GNAL: variants seen among roughly 807,000 people sequenced by gnomAD.
GNAL encodes G protein subunit alpha L.
A neutral mutation model predicts 55.1 loss-of-function variants in GNAL; 18 were observed. That is an observed-to-expected ratio of 0.33 (90% CI 0.23 to 0.48). The LOEUF (loss-of-function observed/expected upper bound fraction) is 0.48. GNAL is among the 20% of genes least tolerant of loss of function. The probability of loss-of-function intolerance (pLI) is 0.99; values close to 1 mark genes in which losing one functional copy is unlikely to be tolerated. For missense variants in GNAL, 412 were observed against 614.1 expected, an observed-to-expected ratio of 0.67 and a Z score of 3.48; for synonymous variants, 253 against 237.0, an observed-to-expected ratio of 1.07 and a Z score of -0.62.
intron 4 of GNAL, 71 bp downstream of exon 4, chr18:11,754,016 G>C (rs1231947442): frequency 3.0e-5 from 34 of 1,114,954 alleles, no homozygotes; most frequent in Non-Finnish European, 4.6e-5. Context: ...TTCTTATTGA[G>C]AATCAATATT....
At chr18:11,715,627 T>C (rs944639572) in intron 1 of GNAL, among the ~76,000 whole-genome samples, 6 of 151,906 alleles carry the variant, frequency 3.9e-5, no homozygotes, top group South Asian at 2.1e-4. Context: ...GAGAAGAGCA[T>C]TGGGATATGG....
rs148581907 is a variant in GNAL at position 11,731,808 on chromosome 18, T to C, written c.377-21045T>C. 3.5e-3 allele frequency among the ~76,000 whole-genome samples: 532 copies of C among 152,280 alleles called. 6 individuals carry two copies. Among genetic ancestry groups the C allele is most frequent in the African/African-American group, 0.012 (509 of 41,546 alleles). On this transcript the variant is annotated intron_variant, in intron 1 of 11. Transcript: ENST00000334049. The stretch of plus-strand genomic sequence containing the variant: ...TCTAATTCCCGAATGTTTTCATCAT[T>C]CTGCAAAGAAGCCCTGGACCCACTA...
intron 4 of GNAL, among the ~76,000 whole-genome samples, chr18:11,820,398 G>A (rs1020545849): frequency 5.3e-5 from 8 of 152,116 alleles, no homozygotes; most frequent in Admixed American, 1.3e-4. Flanking sequence ...TAATGACTTC[G>A]CAGAATCCTT....
At chr18:11,801,289 G>A (rs533507109) in intron 4 of GNAL, among the ~76,000 whole-genome samples, 42 of 152,270 alleles carry the variant, frequency 2.8e-4, no homozygotes, top group Admixed American at 1.4e-3. Flanking sequence ...AGTGGCTCAC[G>A]CCTGAAATAA....
chr18:11,835,205 A>G (rs990069980), intron 5 of GNAL, among the ~76,000 whole-genome samples: 1 of 152,250 alleles, frequency 6.6e-6, no homozygotes, highest in Non-Finnish European at 1.5e-5. Context: ...TGATTCTTAG[A>G]TAACATTCTG....
intron 1 of GNAL, among the ~76,000 whole-genome samples, chr18:11,719,980 C>G (rs998527760): frequency 2.0e-5 from 3 of 152,244 alleles, no homozygotes; most frequent in African/African-American, 7.2e-5. Context: ...TTATGTTCCA[C>G]AGCAGGGCTC....
Position 11,725,042 on chromosome 18 carries a change from T to C in GNAL, c.377-27811T>C, listed in dbSNP as rs534216021. On this transcript the variant is annotated intron_variant, in intron 1 of 11. Coordinates refer to ENST00000334049, the MANE Select transcript of GNAL (RefSeq NM_182978.4). ...CAGCTTGCACAGCAGCCTGGACCTGTTGCAGAGCCTTCCCTTGTTCTGGGC... is the reference window on the plus strand; with the variant it reads ...CAGCTTGCACAGCAGCCTGGACCTGCTGCAGAGCCTTCCCTTGTTCTGGGC... Among the ~76,000 whole-genome samples the C allele has an allele frequency of 1.1e-4, 17 of 152,310 alleles. No individual in the cohort carries two copies. The East Asian group carries it at 3.3e-3, about 29-fold the overall frequency.
chr18:11,717,186 G>A (rs1035358630), intron 1 of GNAL, among the ~76,000 whole-genome samples: 15 of 152,348 alleles, frequency 9.8e-5, no homozygotes, highest in African/African-American at 3.6e-4. Flanking sequence ...GGGGCCAGTG[G>A]AGCCAGCCGG....
At chr18:11,871,566 G>A (rs2036399803) in intron 9 of GNAL, among the ~76,000 whole-genome samples, 1 of 152,132 alleles carries the variant, frequency 6.6e-6, no homozygotes, top group Non-Finnish European at 1.5e-5. Context: ...GTTATTAATT[G>A]ATAGTAAGAT....
intron 1 of GNAL, among the ~76,000 whole-genome samples, chr18:11,730,834 G>A (rs760953782): frequency 6.6e-6 from 1 of 152,106 alleles, no homozygotes. Context: ...TAAGGGGGTC[G>A]GCTATCTGTC....
intron 5 of GNAL, among the ~76,000 whole-genome samples, chr18:11,834,478 G>A (rs2035457436): frequency 6.6e-6 from 1 of 152,152 alleles, no homozygotes; most frequent in South Asian, 2.1e-4. Flanking sequence ...CCAGCACTTT[G>A]GGAGGCCAAG....
intron 5 of GNAL, among the ~76,000 whole-genome samples, chr18:11,854,838 T>C (rs2035967072): frequency 6.6e-6 from 1 of 152,210 alleles, no homozygotes; most frequent in South Asian, 2.1e-4. Context: ...CATGATATTT[T>C]TCCAAATTCA....
chr18:11,776,462 T>A (rs2033786787), intron 4 of GNAL, among the ~76,000 whole-genome samples: 1 of 152,120 alleles, frequency 6.6e-6, no homozygotes, highest in Admixed American at 6.5e-5. Flanking sequence ...ATCCCAGCAT[T>A]TTGGGAAGCC....
chr18:11,849,814 C>T (rs2035817460), intron 5 of GNAL, among the ~76,000 whole-genome samples: 1 of 152,234 alleles, frequency 6.6e-6, no homozygotes, highest in Admixed American at 6.5e-5. Context: ...CCTATCCCCT[C>T]TGAAATACAA....
chr18:11,694,242 A>G lies in GNAL; in HGVS notation c.376+4303A>G, dbSNP rs546649936. ...CAAGAAGACCTTCCCATAGTCCTCTAGTGGAAATAAAGGTTTAACTCCCTG... is the reference window on the plus strand; with the variant it reads ...CAAGAAGACCTTCCCATAGTCCTCTGGTGGAAATAAAGGTTTAACTCCCTG... On this transcript the variant is annotated intron_variant, in intron 1 of 11. Coordinates refer to ENST00000334049, the MANE Select transcript of GNAL (RefSeq NM_182978.4). 7.2e-5 allele frequency among the ~76,000 whole-genome samples: 11 copies of G among 152,206 alleles called. No homozygotes were observed. The South Asian group carries it at 2.3e-3, about 32-fold the overall frequency.
intron 1 of GNAL, among the ~76,000 whole-genome samples, chr18:11,750,909 G>C (rs944507847): frequency 1.3e-5 from 2 of 152,128 alleles, no homozygotes; most frequent in African/African-American, 2.4e-5. Flanking sequence ...AGCAAGAGTG[G>C]AGAGGGGAAG....
chr18:11,851,197 A>G (rs1178093206), intron 5 of GNAL, among the ~76,000 whole-genome samples: 1 of 152,266 alleles, frequency 6.6e-6, no homozygotes, highest in African/African-American at 2.4e-5. Flanking sequence ...CTAATGCGTT[A>G]GAATTTTAAA....
intron 5 of GNAL, chr18:11,852,822 TG>T (rs1450696649): frequency 6.0e-6 from 1 of 167,052 alleles, no homozygotes; most frequent in Non-Finnish European, 1.5e-5. Context: ...CTTTATTATC[TG>T]GAAAAATTAA....
At chr18:11,780,995 C>A (rs1444398181) in intron 4 of GNAL, among the ~76,000 whole-genome samples, 1 of 152,132 alleles carries the variant, frequency 6.6e-6, no homozygotes, top group African/African-American at 2.4e-5. Flanking sequence ...CTATCAAATG[C>A]CTTTGCATTT....
Sources: allele counts gnomAD v4.1 joint callset (sites outside exome capture counted in the v4.1 genomes callset), GRCh38; gene constraint gnomAD v4.1.1; transcripts MANE v1.5; gene names NCBI Gene and HGNC (gene_info 2026-07-23, HGNC 2026-07-21).